The following TRMT11 variants were observed in gnomAD, a reference collection of about 807,000 sequenced individuals.
The protein encoded by TRMT11 is tRNA methyltransferase 11, also known as tRNA (guanine(10)-N(2))-methyltransferase TRMT11.
A neutral mutation model predicts 62.8 loss-of-function variants in TRMT11; 53 were observed. The observed-to-expected ratio is 0.84, with a 90% confidence interval of 0.68 to 1.06. The LOEUF (loss-of-function observed/expected upper bound fraction) is 1.06, where lower values mean the gene tolerates loss of function less well. Ranked by LOEUF, TRMT11 falls within the 50% of genes least tolerant of loss-of-function variation. The probability of loss-of-function intolerance (pLI) is 0.00; values close to 1 mark genes in which losing one functional copy is unlikely to be tolerated. For missense variants in TRMT11, 556 were observed against 553.4 expected (o/e 1.00, Z -0.05); for synonymous variants, 188 against 190.3 (o/e 0.99, Z 0.10).
chr6:125,993,478 G>A (rs1403840359), intron 1 of TRMT11, among the ~76,000 whole-genome samples: 3 of 152,126 alleles, frequency 2.0e-5, no homozygotes, highest in East Asian at 3.8e-4. Flanking sequence ...TGCACTTTGT[G>A]TAACCTGTTT....
intron 17 of TRMT11, among the ~76,000 whole-genome samples, chr6:126,057,090 C>T (rs1039806513): frequency 4.6e-5 from 7 of 152,196 alleles, no homozygotes; most frequent in African/African-American, 1.4e-4. Flanking sequence ...TATTTATTTG[C>T]AGAGGCCCAG....
chr6:126,055,398 T>C (rs1007624139), intron 17 of TRMT11, among the ~76,000 whole-genome samples: 4 of 152,214 alleles, frequency 2.6e-5, no homozygotes, highest in African/African-American at 9.7e-5. Flanking sequence ...ATTTACTGCA[T>C]GCCTGGCATA....
chr6:126,128,161 A>G (rs1422510903), intron 21 of TRMT11, among the ~76,000 whole-genome samples: 1 of 152,118 alleles, frequency 6.6e-6, no homozygotes, highest in Non-Finnish European at 1.5e-5. Context: ...ACATTGTTGG[A>G]ATACATGTGG....
chr6:126,027,969 A>G, intron 12 of TRMT11, among the ~76,000 whole-genome samples: 1 of 152,222 alleles, frequency 6.6e-6, no homozygotes, highest in Non-Finnish European at 1.5e-5. Flanking sequence ...ATTAGTCTTT[A>G]TGATAGTTTA....
At chr6:126,132,483 T>A (rs777893456) in intron 21 of TRMT11, among the ~76,000 whole-genome samples, 6 of 152,032 alleles carry the variant, frequency 3.9e-5, no homozygotes, top group African/African-American at 7.2e-5. Flanking sequence ...GACATGGATA[T>A]CCTATCATTT....
chr6:126,120,847 C>T (rs944785605), intron 21 of TRMT11, among the ~76,000 whole-genome samples: 2 of 152,138 alleles, frequency 1.3e-5, no homozygotes, highest in Non-Finnish European at 2.9e-5. Flanking sequence ...ATAGTTTCAT[C>T]TATTCACTGG....
chr6:126,066,160 G>T (rs922085573), intron 17 of TRMT11, among the ~76,000 whole-genome samples: 1 of 152,152 alleles, frequency 6.6e-6, no homozygotes, highest in African/African-American at 2.4e-5. Context: ...CACTTTGAGC[G>T]CCAGGACCAA....
chr6:126,048,288 G>A (rs1251511257), intron 16 of TRMT11, among the ~76,000 whole-genome samples: 2 of 152,216 alleles, frequency 1.3e-5, no homozygotes, highest in Non-Finnish European at 2.9e-5. Context: ...GAAAATGGAA[G>A]TAGTTGGTCT....
chr6:126,184,625 C>G (rs1400065636), intron 1 of TRMT11, among the ~76,000 whole-genome samples: 2 of 152,056 alleles, frequency 1.3e-5, no homozygotes, highest in East Asian at 3.9e-4. Context: ...CCCTTTCTCT[C>G]CCCCTGTATC....
chr6:126,047,797 A>G (rs998742265), intron 16 of TRMT11, among the ~76,000 whole-genome samples: 3 of 152,162 alleles, frequency 2.0e-5, no homozygotes, highest in Admixed American at 2.0e-4. Context: ...CCCCTGTCAC[A>G]AGTTCCACGA....
intron 1 of TRMT11, among the ~76,000 whole-genome samples, chr6:126,190,192 C>T (rs1778580411): frequency 6.6e-6 from 1 of 152,150 alleles, no homozygotes; most frequent in Admixed American, 6.5e-5. Context: ...AGCTTCACTT[C>T]ATCTACCCGC....
At chr6:126,141,796 C>T (rs78694036) in intron 21 of TRMT11, among the ~76,000 whole-genome samples, 19,818 of 152,072 alleles carry the variant, frequency 0.13, 1,772 homozygotes, top group Middle Eastern at 0.21. Flanking sequence ...TTATTCTAAG[C>T]GTAAGTGAAG....
intron 21 of TRMT11, among the ~76,000 whole-genome samples, chr6:126,118,030 T>G (rs941857107): frequency 6.6e-6 from 1 of 152,114 alleles, no homozygotes; most frequent in Non-Finnish European, 1.5e-5. Context: ...TCTCAGAGGA[T>G]TTGATTATTG....
rs184357059 is a variant in TRMT11 at position 126,097,532 on chromosome 6, A to G, written c.*1438-15334A>G. Among the ~76,000 whole-genome samples the G allele has an allele frequency of 1.2e-3, 182 of 152,312 alleles. 1 individual carries two copies. The highest frequency in any genetic ancestry group is 3.9e-3 in the African/African-American group (164 of 41,560). On this transcript the variant is annotated intron_variant and NMD_transcript_variant, in intron 17 of 22. Coordinates refer to the TRMT11 transcript ENST00000648977. ...ATATAGTGGTGCTTGCCTGAGAAAC[A>G]TGACACAATTTTTATTTTATTGCAT... is the stretch of plus-strand genomic sequence containing the variant.
In TRMT11 at chr6:125,998,240, G is replaced by T. The variant is rs756285582; in HGVS notation, c.312G>T (p.Ser104=). ...PVEKMVPFLH[S]DSTYKIKIHT... ...TATTTTAGGTTCCATTTCTACATTC[G>T]GACTCTACATATAAAATAAAGATTC... The change falls in exon 5 of 13, where the codon TCG becomes TCT. Residue 104 remains serine, a synonymous_variant. Transcript: ENST00000334379. The T allele has an allele frequency of 1.3e-6, 2 of 1,599,716 alleles. No individual in the cohort carries two copies. Among genetic ancestry groups the T allele is most frequent in the African/African-American group, 2.7e-5 (2 of 74,356 alleles).
At chr6:126,007,244 G>A (rs893427540) in intron 7 of TRMT11, among the ~76,000 whole-genome samples, 12 of 151,940 alleles carry the variant, frequency 7.9e-5, no homozygotes, top group African/African-American at 2.9e-4. Context: ...CATGAACAAA[G>A]TATTTTTAAT....
chr6:126,076,178 C>G (rs1186134754), intron 17 of TRMT11, among the ~76,000 whole-genome samples: 1 of 152,182 alleles, frequency 6.6e-6, no homozygotes, highest in East Asian at 1.9e-4. Context: ...TCTATCTTTT[C>G]TAGTAGCAGA....
chr6:126,220,270 C>CA, the TRMT11 span, among the ~76,000 whole-genome samples: 3 of 152,112 alleles, frequency 2.0e-5, no homozygotes, highest in Non-Finnish European at 4.4e-5. Context: ...GGTGATCAAA[C>CA]AAAAAATTGG....
intron 17 of TRMT11, among the ~76,000 whole-genome samples, chr6:126,059,176 A>G (rs754987308): frequency 2.6e-5 from 4 of 151,030 alleles, no homozygotes; most frequent in Non-Finnish European, 5.9e-5. Context: ...GAGCCACTGC[A>G]CCCAGCCTAC....
Sources: allele counts gnomAD v4.1 joint callset (sites outside exome capture counted in the v4.1 genomes callset), GRCh38; gene constraint gnomAD v4.1.1; transcripts MANE v1.5; gene names NCBI Gene and HGNC (gene_info 2026-07-23, HGNC 2026-07-21).